Variants in CNTNAP4 observed in about 807,000 individuals in gnomAD.
CNTNAP4 encodes contactin associated protein family member 4.
CNTNAP4 carries 98 observed loss-of-function variants against 148.4 expected under a neutral mutation model. The ratio of observed to expected loss-of-function variants is 0.66; its 90% confidence interval spans 0.56 to 0.78. The LOEUF (loss-of-function observed/expected upper bound fraction) is 0.78, where lower values mean the gene tolerates loss of function less well. Ranked by LOEUF, CNTNAP4 falls within the 30% of genes least tolerant of loss-of-function variation. The pLI is 0.00. For synonymous variants in CNTNAP4, 730 were observed against 565.1 expected (o/e 1.29, Z -4.14); for missense variants, 1,935 against 1,565.6 (o/e 1.24, Z -3.98).
intron 2 of CNTNAP4, among the ~76,000 whole-genome samples, chr16:76,338,799 C>T (rs930205630): frequency 3.9e-5 from 6 of 152,046 alleles, no homozygotes; most frequent in Non-Finnish European, 8.8e-5. Context: ...GGCTCAGTCT[C>T]TTCATGTTTA....
rs544414107 is a variant in CNTNAP4, at chr16:76,399,181, A to G, written c.391-28271A>G. On this transcript the variant is annotated intron_variant, in intron 3 of 23. Coordinates refer to ENST00000611870, the MANE Select transcript of CNTNAP4 (RefSeq NM_033401.5). Reference sequence around the variant, plus strand: ...AACTGCTTTCCTTTATAAATTACCCATTCTCTAGTGTGGCTCTATTAGCAG... The same window carrying G: ...AACTGCTTTCCTTTATAAATTACCCGTTCTCTAGTGTGGCTCTATTAGCAG... Among the ~76,000 whole-genome samples the G allele has an allele frequency of 1.5e-4, 23 of 152,240 alleles. No individual in the cohort carries two copies. The East Asian group carries it at 2.3e-3, about 15-fold the overall frequency.
chr16:76,349,778 C>G (rs1211953851), intron 2 of CNTNAP4, among the ~76,000 whole-genome samples: 1 of 151,988 alleles, frequency 6.6e-6, no homozygotes, highest in Non-Finnish European at 1.5e-5. Flanking sequence ...TGTTTTGTGT[C>G]CTTGAACATC....
At chr16:76,288,025 C>T (rs1958957419) in intron 1 of CNTNAP4, among the ~76,000 whole-genome samples, 1 of 152,018 alleles carries the variant, frequency 6.6e-6, no homozygotes, top group Admixed American at 6.6e-5. Context: ...TCTATTTCCC[C>T]CACCCAAATC....
intron 4 of CNTNAP4, among the ~76,000 whole-genome samples, chr16:76,434,198 A>T (rs1216584974): frequency 6.6e-6 from 1 of 151,356 alleles, no homozygotes; most frequent in African/African-American, 2.4e-5. Context: ...AAGTATTATT[A>T]AGTAGTTTAC....
At chr16:76,532,946 C>CA (rs758752807) in intron 17 of CNTNAP4, among the ~76,000 whole-genome samples, 31 of 152,196 alleles carry the variant, frequency 2.0e-4, no homozygotes, top group Admixed American at 6.5e-4. Flanking sequence ...CAAAAAACTA[C>CA]AAATAGAACT....
chr16:76,516,829 C>T (rs890006418), intron 15 of CNTNAP4, among the ~76,000 whole-genome samples: 15 of 152,072 alleles, frequency 9.9e-5, no homozygotes, highest in African/African-American at 3.1e-4. Context: ...TTTGGGAGGC[C>T]AAGGTGGGTG....
intron 1 of CNTNAP4, among the ~76,000 whole-genome samples, chr16:76,315,740 G>T (rs989496224): frequency 2.6e-5 from 4 of 152,024 alleles, no homozygotes; most frequent in South Asian, 2.1e-4. Flanking sequence ...GACTACAGGC[G>T]TGTGCCACCA....
chr16:76,483,324 G>A (rs1019386956), intron 12 of CNTNAP4, among the ~76,000 whole-genome samples: 7 of 149,502 alleles, frequency 4.7e-5, no homozygotes, highest in African/African-American at 7.4e-5. Flanking sequence ...AAGTAACCAA[G>A]AACACTGGAT....
chr16:76,399,744 A>C (rs1179630129), intron 3 of CNTNAP4, among the ~76,000 whole-genome samples: 2 of 152,246 alleles, frequency 1.3e-5, no homozygotes, highest in Non-Finnish European at 2.9e-5. Flanking sequence ...ACTTAAAAGC[A>C]CTGCTGTATT....
intron 15 of CNTNAP4, among the ~76,000 whole-genome samples, chr16:76,509,036 C>A (rs113646552): frequency 0.026 from 2,579 of 97,358 alleles, 398 homozygotes; most frequent in African/African-American, 0.063. Context: ...CAGGCGTGAG[C>A]CACCGTGCCT....
In CNTNAP4 at chr16:76,282,479, C is replaced by G. The variant is rs1321091583; in HGVS notation, c.85+4732C>G. 5.3e-5 allele frequency among the ~76,000 whole-genome samples: 8 copies of G among 151,872 alleles called. No individual in the cohort carries two copies. In the South Asian group the frequency reaches 1.4e-3, roughly 27 times the overall value. ...TTTCATGAGTATAAAATATTCCACTCTATCTTAATCAGCAACTTACATTTG... is the reference window on the plus strand; with the variant it reads ...TTTCATGAGTATAAAATATTCCACTGTATCTTAATCAGCAACTTACATTTG... On this transcript the variant is annotated intron_variant, in intron 1 of 23. Coordinates refer to ENST00000611870, the MANE Select transcript of CNTNAP4 (RefSeq NM_033401.5).
At chr16:76,417,600 A>C (rs866856031) in intron 3 of CNTNAP4, among the ~76,000 whole-genome samples, 1 of 151,578 alleles carries the variant, frequency 6.6e-6, no homozygotes, top group Non-Finnish European at 1.5e-5. Context: ...ATGCATGATT[A>C]TTATTGTAAA....
intron 2 of CNTNAP4, among the ~76,000 whole-genome samples, chr16:76,334,431 G>A (rs1165440964): frequency 6.6e-6 from 1 of 152,082 alleles, no homozygotes; most frequent in African/African-American, 2.4e-5. Context: ...ACATAATCCT[G>A]TAAGTTACGT....
intron 3 of CNTNAP4, among the ~76,000 whole-genome samples, chr16:76,359,166 G>A (rs970598200): frequency 6.6e-6 from 1 of 152,078 alleles, no homozygotes; most frequent in African/African-American, 2.4e-5. Flanking sequence ...TTTTACAAAT[G>A]TGTATTTCCC....
At chr16:76,518,393 G>T (rs532765820) in intron 15 of CNTNAP4, among the ~76,000 whole-genome samples, 2 of 152,130 alleles carry the variant, frequency 1.3e-5, no homozygotes, top group African/African-American at 4.8e-5. Context: ...CCCCAAAAGT[G>T]CTGGGATTAC....
At chr16:76,281,486 G>A (rs1958686564) in intron 1 of CNTNAP4, among the ~76,000 whole-genome samples, 1 of 151,986 alleles carries the variant, frequency 6.6e-6, no homozygotes, top group East Asian at 1.9e-4. Flanking sequence ...TGACTCATGG[G>A]CCAACATGGG....
At chr16:76,507,941 C>T (rs2082888437) in intron 15 of CNTNAP4, among the ~76,000 whole-genome samples, 2 of 97,582 alleles carry the variant, frequency 2.0e-5, no homozygotes, top group African/African-American at 5.1e-5. Context: ...CAAACCCTTT[C>T]ACACTCAGAT....
chr16:76,311,309 A>G (rs542933113), intron 1 of CNTNAP4, among the ~76,000 whole-genome samples: 1 of 152,244 alleles, frequency 6.6e-6, no homozygotes, highest in South Asian at 2.1e-4. Flanking sequence ...GTTTTTTTGT[A>G]TATACAATCT....
chr16:76,427,974 C>T (rs2079471121), intron 4 of CNTNAP4, among the ~76,000 whole-genome samples: 1 of 152,030 alleles, frequency 6.6e-6, no homozygotes. Context: ...GGACAGTGTT[C>T]CATTTAGTTT....
Sources: allele counts gnomAD v4.1 joint callset (sites outside exome capture counted in the v4.1 genomes callset), GRCh38; gene constraint gnomAD v4.1.1; transcripts MANE v1.5; gene names NCBI Gene and HGNC (gene_info 2026-07-23, HGNC 2026-07-21).